The following SDK2 variants were observed in gnomAD, a reference collection of about 807,000 sequenced individuals.
SDK2 encodes sidekick cell adhesion molecule 2, also known as protein sidekick-2.
Under a neutral mutation model 253.9 loss-of-function variants are expected in SDK2, and 105 were observed. The observed-to-expected ratio is 0.41, with a 90% confidence interval of 0.35 to 0.49. The LOEUF (loss-of-function observed/expected upper bound fraction) is 0.49. SDK2 is among the 20% of genes least tolerant of loss of function. The probability of loss-of-function intolerance (pLI) is 0.06; values close to 1 mark genes in which losing one functional copy is unlikely to be tolerated. For missense variants in SDK2, 2,608 were observed against 3,003.0 expected (o/e 0.87, Z 3.07); for synonymous variants, 1,249 against 1,234.9 (o/e 1.01, Z -0.24).
At chr17:73,561,719 A>G (rs886537455) in intron 1 of SDK2, among the ~76,000 whole-genome samples, 11 of 152,224 alleles carry the variant, frequency 7.2e-5, no homozygotes, top group African/African-American at 2.7e-4. Flanking sequence ...CCTCCCCTGA[A>G]TTGAGTCTCT....
At chr17:73,634,323 C>T (rs1419224230) in intron 1 of SDK2, among the ~76,000 whole-genome samples, 9 of 152,208 alleles carry the variant, frequency 5.9e-5, no homozygotes, top group Non-Finnish European at 1.3e-4. Flanking sequence ...AGGCAGCTGA[C>T]CTGCATTCAT....
Position 73,616,166 on chromosome 17 carries a change from C to T in SDK2, c.64+27859G>A, listed in dbSNP as rs1474592187. On this transcript the variant is annotated intron_variant, in intron 1 of 44. Coordinates refer to ENST00000392650, the MANE Select transcript of SDK2 (RefSeq NM_001144952.2). The surrounding 1 kb of genome is among the most constrained non-coding windows in gnomAD (Gnocchi z 5.2). ...TCCTCTTCCCCAGAACATCAGGAAG[C>T]GACCAGAAAGGCAAGCCACTTGCAT... 3.3e-5 allele frequency among the ~76,000 whole-genome samples: 5 copies of T among 152,142 alleles called. No individual in the cohort carries two copies.
intron 1 of SDK2, among the ~76,000 whole-genome samples, chr17:73,532,046 A>AG (rs530381105): frequency 1.5e-3 from 230 of 152,234 alleles, no homozygotes; most frequent in African/African-American, 4.8e-3. Context: ...GATGTTCTCA[A>AG]GGGGGGGTCA....
intron 1 of SDK2, among the ~76,000 whole-genome samples, chr17:73,539,016 G>C (rs2044823435): frequency 6.6e-6 from 1 of 152,176 alleles, no homozygotes; most frequent in African/African-American, 2.4e-5. Context: ...GTAGAACATA[G>C]TGAGCCTCCC....
intron 2 of SDK2, among the ~76,000 whole-genome samples, chr17:73,505,857 A>C (rs1483118566): frequency 3.9e-5 from 6 of 152,360 alleles, no homozygotes; most frequent in Non-Finnish European, 4.4e-5. Flanking sequence ...CCACTCCCTG[A>C]ATGCCTGCAG....
chr17:73,628,038 C>A (rs921141367), intron 1 of SDK2, among the ~76,000 whole-genome samples: 1 of 152,168 alleles, frequency 6.6e-6, no homozygotes, highest in Non-Finnish European at 1.5e-5. Flanking sequence ...GGCGACAGAG[C>A]GAGACTCCGT....
In SDK2 at chr17:73,443,144, G is replaced by A. The variant is rs981957259; in HGVS notation, c.614-2221C>T. Among the ~76,000 whole-genome samples the A allele has an allele frequency of 6.6e-5, 10 of 152,124 alleles. No homozygotes were observed. The highest frequency in any genetic ancestry group is 2.4e-4 in the African/African-American group (10 of 41,422). On this transcript the variant is annotated intron_variant, in intron 5 of 44. Coordinates refer to ENST00000392650, the MANE Select transcript of SDK2 (RefSeq NM_001144952.2). The surrounding 1 kb of genome is among the most constrained non-coding windows in gnomAD (Gnocchi z 4.6). ...GACAGGCTGTTCTTTATGGGGTTAGGGGCAGGGTGCACAGTGGCCCCACTG... is the reference window on the plus strand; with the variant it reads ...GACAGGCTGTTCTTTATGGGGTTAGAGGCAGGGTGCACAGTGGCCCCACTG...
intron 16 of SDK2, among the ~76,000 whole-genome samples, chr17:73,417,574 A>C (rs749653907): frequency 3.3e-5 from 5 of 151,962 alleles, no homozygotes; most frequent in African/African-American, 7.3e-5. Context: ...GGACTATTCT[A>C]TTTGATGGGG....
chr17:73,537,871 C>T (rs1009652048), intron 1 of SDK2, among the ~76,000 whole-genome samples: 5 of 152,068 alleles, frequency 3.3e-5, no homozygotes, highest in East Asian at 1.9e-4. Flanking sequence ...AATGACACCG[C>T]GGGAAAAATA....
chr17:73,521,758 CAG>C (rs2064081708), intron 1 of SDK2, among the ~76,000 whole-genome samples: 1 of 143,044 alleles, frequency 7.0e-6, no homozygotes, highest in Non-Finnish European at 1.6e-5. Context: ...CTGCTCGAGA[CAG>C]AGTCAACACC....
intron 29 of SDK2, among the ~76,000 whole-genome samples, chr17:73,389,916 T>G (rs2062912803): frequency 6.6e-6 from 1 of 152,118 alleles, no homozygotes; most frequent in Admixed American, 6.6e-5. Flanking sequence ...CGCTGGCTAA[T>G]TTTTGTATTT....
chr17:73,357,872 G>T (rs2062605109), intron 40 of SDK2: 2 of 750,126 alleles, frequency 2.7e-6, no homozygotes, highest in Non-Finnish European at 4.6e-6. Context: ...TTCTCTGGGG[G>T]CCTCCTGGGG....
chr17:73,336,626 G>C lies in SDK2; in HGVS notation c.*1961C>G, dbSNP rs2062380851. 6.6e-6 allele frequency: 1 copy of C among 152,668 alleles called. No homozygotes were observed. Among genetic ancestry groups the C allele is most frequent in the East Asian group, 1.9e-4 (1 of 5,192 alleles). 9.5% of individuals were successfully genotyped at this position (152,668 alleles called of 1,614,324 possible). On this transcript the variant is annotated 3_prime_UTR_variant, in exon 45 of 45. Transcript: ENST00000392650. ...TGACTTCCCTTCCCGGTCACCATTA[G>C]CACAGTGACTGACTTGGGGCTGTAG...
intron 27 of SDK2, among the ~76,000 whole-genome samples, chr17:73,392,790 G>A: frequency 6.6e-6 from 1 of 152,142 alleles, no homozygotes; most frequent in Non-Finnish European, 1.5e-5. Context: ...GAGGGGGCAA[G>A]GGATGCATTG....
rs1325598409 is a variant in SDK2, at chr17:73,612,887, A to C, written c.64+31138T>G. ...AGCCAAGATCGCGCCATTGCACTCC[A>C]GCCTGGGTGACAGAGCGAGACTCCG... is the stretch of plus-strand genomic sequence containing the variant. On this transcript the variant is annotated intron_variant, in intron 1 of 44. Coordinates refer to ENST00000392650, the MANE Select transcript of SDK2 (RefSeq NM_001144952.2). This position sits in a 1 kb window ranked among gnomAD's most constrained non-coding sequence, Gnocchi z 4.4. Among the ~76,000 whole-genome samples the C allele has an allele frequency of 6.6e-6, 1 of 152,150 alleles. No homozygotes were observed. The highest frequency in any genetic ancestry group is 1.5e-5 in the Non-Finnish European group (1 of 68,036).
At chr17:73,473,816 A>G (rs2063668342) in intron 2 of SDK2, among the ~76,000 whole-genome samples, 1 of 152,230 alleles carries the variant, frequency 6.6e-6, no homozygotes, top group African/African-American at 2.4e-5. Context: ...TGCCAAGATT[A>G]TTAAAACCAA....
At chr17:73,636,020 C>A (rs935034325) in intron 1 of SDK2, among the ~76,000 whole-genome samples, 3 of 152,214 alleles carry the variant, frequency 2.0e-5, no homozygotes, top group African/African-American at 7.2e-5. Context: ...AAACTCTACA[C>A]CCCTCCCTGG....
At chr17:73,461,782 T>C (rs558060958) in intron 3 of SDK2, among the ~76,000 whole-genome samples, 366 of 152,224 alleles carry the variant, frequency 2.4e-3, no homozygotes, top group Middle Eastern at 6.8e-3. Flanking sequence ...GTATGGCTGT[T>C]GTATGTATAT....
At chr17:73,397,265 C>A (rs2062978650) in intron 24 of SDK2, among the ~76,000 whole-genome samples, 1 of 152,120 alleles carries the variant, frequency 6.6e-6, no homozygotes, top group African/African-American at 2.4e-5. Context: ...CTCTGTGGGA[C>A]ACGTGCTGGG....
Sources: allele counts gnomAD v4.1 joint callset (sites outside exome capture counted in the v4.1 genomes callset), GRCh38; gene constraint gnomAD v4.1.1; non-coding constraint Gnocchi (gnomAD v3.1); transcripts MANE v1.5; gene names NCBI Gene and HGNC (gene_info 2026-07-23, HGNC 2026-07-21).